Variants in NSD2 observed in about 807,000 individuals in gnomAD.
NSD2 encodes the protein histone-lysine N-methyltransferase NSD2.
Under a neutral mutation model 139.0 loss-of-function variants are expected in NSD2, and 12 were observed. The observed-to-expected ratio is 0.09, with a 90% CI of 0.06 to 0.14. The LOEUF (loss-of-function observed/expected upper bound fraction) is 0.14. Among genes scored for constraint, NSD2 ranks in the 10% least tolerant of loss-of-function variants. The probability of loss-of-function intolerance (pLI) is 1.00; values close to 1 mark genes in which losing one functional copy is unlikely to be tolerated. For synonymous variants in NSD2, 669 were observed against 648.7 expected, an observed-to-expected ratio of 1.03 and a Z score of -0.48; for missense variants, 1,155 against 1,745.0, an observed-to-expected ratio of 0.66 and a Z score of 6.02.
rs530690634 is a variant in NSD2, at chr4:1,877,327, G to A, written c.-30+5785G>A. ...CACTGCCTTGTCTTTCTAAAATACA[G>A]ATGTCCTATGTGTCCCCAGTCTTCA... is the stretch of plus-strand genomic sequence containing the variant. On this transcript the variant is annotated intron_variant, in intron 1 of 21. Transcript: ENST00000508803. Among the ~76,000 whole-genome samples the A allele has an allele frequency of 6.7e-4, 102 of 152,254 alleles. No individual in the cohort carries two copies. The South Asian group carries it at 0.02, about 29-fold the overall frequency.
intron 1 of NSD2, chr4:1,892,162 T>G (rs1715625007): frequency 6.6e-6 from 1 of 152,190 alleles, no homozygotes; most frequent in Non-Finnish European, 1.5e-5. Context: ...TATTTTAATT[T>G]TAGAGATGGG....
Position 1,979,747 on chromosome 4 carries a change from TTC to T in NSD2, c.*840_*841del, listed in dbSNP as rs1353340045. 1 of 232,134 alleles carries T rather than the reference TTC, an allele frequency of 4.3e-6. No homozygotes were observed. The highest frequency in any genetic ancestry group is 8.5e-6 in the Non-Finnish European group (1 of 117,414). The allele number at this position is 232,134 out of a possible 1,614,324, so 14.4% of individuals were successfully genotyped here. A position where few individuals can be genotyped will look rare whatever the true frequency, so the allele number is the denominator to read the frequency against. The stretch of plus-strand genomic sequence containing the variant: ...TTTCATTTGGCTTTTCTTTACCAGT[TTC>T]TGATTTTTATTCTCAATATATTTTT... On this transcript the variant is annotated 3_prime_UTR_variant, in exon 22 of 22. Transcript: ENST00000508803.
At chr4:1,970,299 T>G (rs1726321350) in intron 18 of NSD2, among the ~76,000 whole-genome samples, 1 of 152,232 alleles carries the variant, frequency 6.6e-6, no homozygotes, top group Non-Finnish European at 1.5e-5. Flanking sequence ...CAGGACCCAG[T>G]GCTCGGGACA....
In NSD2 at chr4:1,952,268, C is replaced by T. The variant is rs368774033; in HGVS notation, c.2137+37C>T. 4.0e-5 allele frequency: 65 copies of T among 1,609,642 alleles called. No individual in the cohort carries two copies. In the East Asian group the frequency reaches 8.0e-4, roughly 20 times the overall value. On this transcript the variant is annotated intron_variant, in intron 11 of 21. Transcript: ENST00000508803. ...CGGGCGGGCAGCTCTGCAGCCTGGC[C>T]GGCCACCTGCTCCTGCAACCCCCTG... is the stretch of plus-strand genomic sequence containing the variant.
intron 1 of NSD2, 126 bp from the exon 2 acceptor site, chr4:1,900,500 A>T: frequency 1.8e-6 from 1 of 567,070 alleles, no homozygotes; most frequent in East Asian, 3.2e-5. Context: ...GAATTATTAT[A>T]AAAACATCAT....
At chr4:1,886,559 C>T (rs538112929) in intron 1 of NSD2, among the ~76,000 whole-genome samples, 5 of 152,184 alleles carry the variant, frequency 3.3e-5, no homozygotes, top group South Asian at 2.1e-4. Flanking sequence ...CGGCTGGGCG[C>T]GGTGACTCAC....
In NSD2 at chr4:1,974,654, T is replaced by C; in HGVS notation, c.3373-209T>C. The C allele has an allele frequency of 1.3e-6, 1 of 770,688 alleles. No individual in the cohort carries two copies. Among genetic ancestry groups the C allele is most frequent in the Non-Finnish European group, 2.3e-6 (1 of 432,000 alleles). The allele number at this position is 770,688 out of a possible 1,614,324, so 47.7% of individuals were successfully genotyped here. On this transcript the variant is annotated intron_variant, in intron 18 of 21. Coordinates refer to ENST00000508803, the MANE Select transcript of NSD2 (RefSeq NM_001042424.3). The surrounding 1 kb of genome is among the most constrained non-coding windows in gnomAD (Gnocchi z 4.0). ...CTCCCCGGCGCTCACTAAGGCTCGG[T>C]CCTCTCCACGTGGTCCTGACCTGTC...
chr4:1,961,139 C>G lies in NSD2; in HGVS notation c.3360C>G (p.Leu1120=), dbSNP rs554575731. ...HENDITHFYM[L]TIDKDRIIDA... is the part of the protein sequence containing the mutation. ...ACGACATCACCCACTTCTACATGCT[C>G]ACTATAGACAAGGTAATGCGGAACT... The change falls in exon 18 of 22, where the codon CTC becomes CTG. Residue 1120 remains leucine (L), a synonymous_variant. Transcript: ENST00000508803. The G allele has an allele frequency of 4.2e-5, 68 of 1,610,500 alleles. No individual in the cohort carries two copies. In the South Asian group the frequency reaches 6.9e-4, roughly 16 times the overall value.
intron 7 of NSD2, 39 bp from the exon 8 acceptor site, chr4:1,938,412 C>CTTTGTTTTT: frequency 4.7e-6 from 3 of 635,572 alleles, no homozygotes; most frequent in East Asian, 6.5e-5. Flanking sequence ...TTTTTTTTTT[C>CTTTGTTTTT]TTTCTTTTTT....
chr4:1,911,595 AAAAAAAAAAAAAG>A (rs1469700599), intron 3 of NSD2, among the ~76,000 whole-genome samples: 17 of 141,836 alleles, frequency 1.2e-4, no homozygotes, highest in African/African-American at 2.3e-4. Context: ...CTCAAAAAAA[AAAAAAAAAAAAAG>A]AAAAAAAAAA....
intron 6 of NSD2, among the ~76,000 whole-genome samples, chr4:1,933,851 G>A (rs888224971): frequency 2.0e-5 from 3 of 152,150 alleles, no homozygotes; most frequent in Admixed American, 6.5e-5. Context: ...TACCGTCTTA[G>A]GTTGATATTG....
chr4:1,955,790 C>T lies in NSD2; in HGVS notation c.2616C>T (p.Cys872=), dbSNP rs1724751867. The change falls in exon 14 of 22, where the codon TGC becomes TGT. Residue 872 remains cysteine, a synonymous_variant. Transcript: ENST00000508803. The surrounding 1 kb of genome is among the most constrained non-coding windows in gnomAD (Gnocchi z 4.7). ...ACGGCAGCTGGTTCTGCAATGACTG[C>T]AGGGCTGGGAAGAAGCTGCACTTCC... ...MPDGSWFCND[C]RAGKKLHFQD... 2 of 1,614,214 alleles carry T rather than the reference C, an allele frequency of 1.2e-6. No homozygotes were observed. Among genetic ancestry groups the T allele is most frequent in the Non-Finnish European group, 1.7e-6 (2 of 1,180,034 alleles).
intron 9 of NSD2, chr4:1,943,637 G>A: frequency 9.5e-7 from 1 of 1,047,266 alleles, no homozygotes; most frequent in Non-Finnish European, 1.2e-6. Context: ...AATGTTGCAG[G>A]ATACATAGCC....
In NSD2 at chr4:1,901,048, T is replaced by A; in HGVS notation, c.394T>A (p.Tyr132Asn). 6.2e-7 allele frequency: 1 copy of A among 1,614,118 alleles called. No individual in the cohort carries two copies. Among genetic ancestry groups the A allele is most frequent in the Non-Finnish European group, 8.5e-7 (1 of 1,180,026 alleles). ...AATTAAGCTGAAAATCACCAAAACATACATGAATGGGAAGCCTCTCTTTGA... is the reference window on the plus strand; with the variant it reads ...AATTAAGCTGAAAATCACCAAAACAAACATGAATGGGAAGCCTCTCTTTGA... ...PEIKLKITKT[Y>N]MNGKPLFESS... Residue 132 changes from tyrosine to asparagine, a missense_variant, in exon 2 of 22, where the codon TAC becomes AAC. Transcript: ENST00000508803.
intron 17 of NSD2, 122 bp from the exon 18 acceptor site, chr4:1,960,913 C>T: frequency 1.5e-6 from 1 of 666,410 alleles, no homozygotes; most frequent in Admixed American, 2.1e-5. Context: ...ACACGCCCTC[C>T]ACGGAGGTAT....
At chr4:1,975,264 C>T in intron 19 of NSD2, 30 bp from the exon 20 acceptor site, 2 of 1,606,108 alleles carry the variant, frequency 1.2e-6, no homozygotes, top group Non-Finnish European at 1.7e-6. Context: ...CAGGTGTTTC[C>T]AATTTGGTGT....
At chr4:1,977,698 C>T (rs1286628564) in intron 21 of NSD2, among the ~76,000 whole-genome samples, 1 of 151,836 alleles carries the variant, frequency 6.6e-6, no homozygotes, top group Non-Finnish European at 1.5e-5. Flanking sequence ...AATGCTTGAA[C>T]CCGGGAGGCG....
rs933582839 is a variant in NSD2, at chr4:1,900,666, C to G, written c.12C>G (p.Ser4Arg). 3 of 1,581,166 alleles carry G rather than the reference C, an allele frequency of 1.9e-6. No individual in the cohort carries two copies. Among genetic ancestry groups the G allele is most frequent in the African/African-American group, 2.7e-5 (2 of 73,730 alleles). MEF[S>R]IKQSPLSVQS... Reference sequence around the variant, plus strand: ...AGCATCTGGGCTGGATGGAATTTAGCATCAAGCAGAGTCCCCTTTCTGTTC... The same window carrying G: ...AGCATCTGGGCTGGATGGAATTTAGGATCAAGCAGAGTCCCCTTTCTGTTC... Residue 4 changes from serine (S) to arginine (R), a missense_variant, in exon 2 of 22, where the codon AGC becomes AGG. Around this residue, in one of 8 missense-constraint regions of NSD2, gnomAD observed 246 missense variants for 262.8 expected, o/e 0.94. Coordinates refer to ENST00000508803, the MANE Select transcript of NSD2 (RefSeq NM_001042424.3).
At chr4:1,946,907 T>G (rs1280915932) in intron 9 of NSD2, 1 of 1,059,558 alleles carries the variant, frequency 9.4e-7, no homozygotes, top group Non-Finnish European at 1.1e-6. Flanking sequence ...ACATTTGTGT[T>G]TTTTTCTAGC....
Sources: gnomAD v4.1 joint callset for allele counts (sites outside exome capture counted in the v4.1 genomes callset) on GRCh38, gnomAD v4.1.1 for gene constraint, gnomAD v4.1.1 regional missense constraint, Gnocchi (gnomAD v3.1) non-coding constraint, MANE v1.5 for transcripts, NCBI Gene and HGNC (gene_info 2026-07-23, HGNC 2026-07-21) for gene names.